Variants in TMEM184A observed in about 807,000 individuals in gnomAD.
TMEM184A encodes transmembrane protein 184A.
Under a neutral mutation model 39.5 loss-of-function variants are expected in TMEM184A, and 40 were observed. The observed-to-expected ratio is 1.01, with a 90% CI of 0.79 to 1.32. TMEM184A has a LOEUF of 1.32. Among genes scored for constraint, TMEM184A ranks in the 40% most tolerant of loss-of-function variants. The pLI is 0.00. For missense variants in TMEM184A, 603 were observed against 568.8 expected (o/e 1.06, Z -0.61); for synonymous variants, 280 against 252.3 (o/e 1.11, Z -1.04).
chr7:1,554,974 G>C (rs1779564847), intron 2 of TMEM184A, among the ~76,000 whole-genome samples: 1 of 152,182 alleles, frequency 6.6e-6, no homozygotes, highest in African/African-American at 2.4e-5. Context: ...CAGTCTTCTT[G>C]TCTGTGAAAT....
intron 3 of TMEM184A, 86 bp from the exon 4 acceptor site, chr7:1,550,481 G>C: frequency 8.8e-7 from 1 of 1,140,540 alleles, no homozygotes; most frequent in Non-Finnish European, 1.3e-6. Context: ...GCAGGAGGAG[G>C]CTCGGGAGGG....
rs370428145 is a variant in TMEM184A at position 1,546,499 on chromosome 7, G to C, written c.*453C>G. 3.2e-3 allele frequency: 498 copies of C among 157,976 alleles called. 3 individuals carry two copies. The highest frequency in any genetic ancestry group is 0.012 in the African/African-American group (483 of 41,796). The allele number at this position is 157,976 out of a possible 1,614,324, so 9.8% of individuals were successfully genotyped here. On this transcript the variant is annotated 3_prime_UTR_variant, in exon 9 of 9. Coordinates refer to ENST00000297477, the MANE Select transcript of TMEM184A (RefSeq NM_001097620.2). ...CCTGCGGCGCCCGGAGCTGCTGACT[G>C]TGTCAGAGCCCGGCTGCCCAGCGCC...
At position 1,545,787 on chromosome 7, in the gene TMEM184A, G is replaced by A. The variant is rs566969733; in HGVS notation, c.*1165C>T. ...TACTGTTCTTGCGGCCGCGATTTCCGAGGCCACTTGCACGCCTCCAGCTTC... is the reference window on the plus strand; with the variant it reads ...TACTGTTCTTGCGGCCGCGATTTCCAAGGCCACTTGCACGCCTCCAGCTTC... On this transcript the variant is annotated 3_prime_UTR_variant, in exon 9 of 9. Coordinates refer to ENST00000297477, the MANE Select transcript of TMEM184A (RefSeq NM_001097620.2). The A allele has an allele frequency of 1.3e-5, 2 of 152,594 alleles. No homozygotes were observed. Among genetic ancestry groups the A allele is most frequent in the South Asian group, 2.1e-4 (1 of 4,830 alleles). The allele number at this position is 152,594 out of a possible 1,614,324, so 9.5% of individuals were successfully genotyped here. A position where few individuals can be genotyped will look rare whatever the true frequency, so the allele number is the denominator to read the frequency against.
rs1784234141 is a variant in TMEM184A at position 1,542,949 on chromosome 7, CCCCGT to C, written c.*3998_*4002del. 1 of 152,716 alleles carries C rather than the reference CCCCGT, an allele frequency of 6.5e-6. No homozygotes were observed. Among genetic ancestry groups the C allele is most frequent in the African/African-American group, 2.4e-5 (1 of 41,466 alleles). 9.5% of individuals were successfully genotyped at this position (152,716 alleles called of 1,614,324 possible). On this transcript the variant is annotated 3_prime_UTR_variant, in exon 9 of 9. Transcript: ENST00000297477. ...CCCGTGTCTGGCCGCCGCCGCCCTG[CCCCGT>C]CCCTGCGGCCACCACCTAATTTATT...
intron 2 of TMEM184A, among the ~76,000 whole-genome samples, chr7:1,554,945 C>T (rs529040879): frequency 6.6e-6 from 1 of 152,300 alleles, no homozygotes; most frequent in East Asian, 1.9e-4. Context: ...TGGGAAAGAC[C>T]TCTGGTCTCT....
intron 6 of TMEM184A, chr7:1,549,061 G>A: frequency 2.0e-6 from 1 of 499,186 alleles, no homozygotes; most frequent in Non-Finnish European, 3.9e-6. Context: ...GGACACACAG[G>A]TGTCGTTCCC....
At chr7:1,547,509 C>T (rs1024515625) in intron 8 of TMEM184A, among the ~76,000 whole-genome samples, 7 of 152,148 alleles carry the variant, frequency 4.6e-5, no homozygotes, top group Non-Finnish European at 1.0e-4. Flanking sequence ...AGGCTGTCTC[C>T]GCCCTAATAG....
chr7:1,551,725 TC>T (rs1784608649), intron 2 of TMEM184A, among the ~76,000 whole-genome samples: 1 of 151,950 alleles, frequency 6.6e-6, no homozygotes, highest in Admixed American at 6.6e-5. Flanking sequence ...TCATTTGAGG[TC>T]AGGAGTTCAA....
rs1266325234 is a variant in TMEM184A at position 1,544,797 on chromosome 7, C to T, written c.*2155G>A. 1 of 152,282 alleles carries T rather than the reference C, an allele frequency of 6.6e-6. No individual in the cohort carries two copies. Among genetic ancestry groups the T allele is most frequent in the Non-Finnish European group, 1.5e-5 (1 of 68,068 alleles). The allele number at this position is 152,282 out of a possible 1,614,324, so 9.4% of individuals were successfully genotyped here. A position where few individuals can be genotyped will look rare whatever the true frequency, so the allele number is the denominator to read the frequency against. On this transcript the variant is annotated 3_prime_UTR_variant, in exon 9 of 9. Coordinates refer to ENST00000297477, the MANE Select transcript of TMEM184A (RefSeq NM_001097620.2). The stretch of plus-strand genomic sequence containing the variant: ...GTCCCTGCTCTGTGACCTCAGGCAA[C>T]TTGCTCCGTCTCTCTGGGCTCGGTC...
Position 1,546,988 on chromosome 7 carries a change from C to T in TMEM184A, c.1206G>A (p.Leu402=), listed in dbSNP as rs751267828. 2 of 1,593,796 alleles carry T rather than the reference C, an allele frequency of 1.3e-6. No homozygotes were observed. The highest frequency in any genetic ancestry group is 1.7e-6 in the Non-Finnish European group (2 of 1,175,990). Residue 402 remains leucine, a synonymous_variant, in exon 9 of 9, where the codon CTG becomes CTA. Coordinates refer to ENST00000297477, the MANE Select transcript of TMEM184A (RefSeq NM_001097620.2). ...CCGAGGGGATCAGCATCCGCTTCTCCAGGCTCCGGCTCTTCCTGCTCCCGC... is the reference window on the plus strand; with the variant it reads ...CCGAGGGGATCAGCATCCGCTTCTCTAGGCTCCGGCTCTTCCTGCTCCCGC... The part of the protein sequence containing the change: ...GSGGSRKSRS[L]EKRMLIPSED...
intron 2 of TMEM184A, among the ~76,000 whole-genome samples, chr7:1,554,636 C>T (rs542942972): frequency 1.3e-5 from 2 of 152,358 alleles, no homozygotes; most frequent in South Asian, 2.1e-4. Flanking sequence ...CCACTTCCTC[C>T]TTGCCCCTGC....
Position 1,554,485 on chromosome 7 carries a change from C to T in TMEM184A, c.219+781G>A, listed in dbSNP as rs1052294297. 4.6e-5 allele frequency among the ~76,000 whole-genome samples: 7 copies of T among 152,312 alleles called. No homozygotes were observed. In the South Asian group the frequency reaches 6.2e-4, roughly 14 times the overall value. On this transcript the variant is annotated intron_variant, in intron 2 of 8. Transcript: ENST00000297477. ...AGGGCTCTGGACAAATCCCTGCAGC[C>T]GTGTGGCCCTCGCGGGCCTACACAC...
intron 2 of TMEM184A, among the ~76,000 whole-genome samples, chr7:1,554,927 T>C (rs911566693): frequency 3.3e-5 from 5 of 152,152 alleles, no homozygotes; most frequent in African/African-American, 1.2e-4. Flanking sequence ...TTTCCAGCTA[T>C]GTGAGCCTGG....
chr7:1,543,442 C>A lies in TMEM184A; in HGVS notation c.*3510G>T, dbSNP rs1241533788. 2.0e-5 allele frequency: 3 copies of A among 152,338 alleles called. No homozygotes were observed. The highest frequency in any genetic ancestry group is 7.2e-5 in the African/African-American group (3 of 41,466). The allele number at this position is 152,338 out of a possible 1,614,324, so 9.4% of individuals were successfully genotyped here. A position where few individuals can be genotyped will look rare whatever the true frequency, so the allele number is the denominator to read the frequency against. On this transcript the variant is annotated 3_prime_UTR_variant, in exon 9 of 9. Coordinates refer to ENST00000297477, the MANE Select transcript of TMEM184A (RefSeq NM_001097620.2). ...AGAGGAGCCTGCAGGAAGCTGTGAG[C>A]AAGACAGGGTCTGTCTGGGAGCAGA...
rs1254536878 is a variant in TMEM184A at position 1,551,162 on chromosome 7, TTCGCGTGAGAGCCGGGCCCGCCCTGGGC to T, written c.220-208_220-181del. On this transcript the variant is annotated intron_variant, in intron 2 of 8. Coordinates refer to ENST00000297477, the MANE Select transcript of TMEM184A (RefSeq NM_001097620.2). ...GGAGGTGGGGGTGGGCGCAGGAGGG[TTCGCGTGAGAGCCGGGCCCGCCCTGGGC>T]GCAGGAGGGTTCGCGTGAGAGCCGG... Among the ~76,000 whole-genome samples, 42 of 44,212 alleles carry T rather than the reference TTCGCGTGAGAGCCGGGCCCGCCCTGGGC, an allele frequency of 9.5e-4. 1 individual carries two copies. Among genetic ancestry groups the T allele is most frequent in the Non-Finnish European group, 8.5e-4 (19 of 22,262 alleles). The allele number at this position is 44,212 out of a possible 152,430, so 29.0% of individuals were successfully genotyped here.
At position 1,555,614 on chromosome 7, in the gene TMEM184A, A is replaced by G. The variant is rs1583228043; in HGVS notation, c.1-130T>C. The G allele has an allele frequency of 1.7e-4, 122 of 720,052 alleles. 6 individuals carry two copies. In the South Asian group the frequency reaches 1.8e-3, roughly 11 times the overall value. The allele number at this position is 720,052 out of a possible 1,614,324, so 44.6% of individuals were successfully genotyped here. On this transcript the variant is annotated intron_variant, in intron 1 of 8. Coordinates refer to ENST00000297477, the MANE Select transcript of TMEM184A (RefSeq NM_001097620.2). The surrounding 1 kb of genome is among the most constrained non-coding windows in gnomAD (Gnocchi z 5.2). ...GAGGCTGAGCCACCCACCAGGCCGC[A>G]CCCCCCACACGGACACCAGCGCCAG...
chr7:1,547,788 A>T lies in TMEM184A; in HGVS notation c.966T>A (p.Tyr322Ter). ...CTGCGTACACCTGGCAGGGGAAGGC[A>T]TAACGCAGGGCCACGGAGGCGAACA... The part of the protein sequence containing the change: ...EMLFASVALR[Y>*]AFPCQVYAEK... Residue 322 changes from tyrosine (Y) to a stop codon, truncating the protein, a stop_gained, in exon 8 of 9, where the codon TAT (tyrosine) becomes TAA (stop). Coordinates refer to ENST00000297477, the MANE Select transcript of TMEM184A (RefSeq NM_001097620.2). LOFTEE classifies it low-confidence loss of function (END_TRUNC). 1.2e-6 allele frequency: 2 copies of T among 1,613,050 alleles called. No homozygotes were observed. The highest frequency in any genetic ancestry group is 1.7e-6 in the Non-Finnish European group (2 of 1,179,894).
At chr7:1,549,991 G>A (rs1784521900) in intron 5 of TMEM184A, 46 bp from the exon 6 acceptor site, 1 of 1,605,650 alleles carries the variant, frequency 6.2e-7, no homozygotes, top group Non-Finnish European at 8.5e-7. Flanking sequence ...GTCCCCCAGG[G>A]GCCCAGGAAT....
rs1562552402 is a variant in TMEM184A at position 1,545,401 on chromosome 7, C to G, written c.*1551G>C. On this transcript the variant is annotated 3_prime_UTR_variant, in exon 9 of 9. Transcript: ENST00000297477. ...CTAGCCCGGACTCCACTGGTCTGTG[C>G]CCGCCCTGCTGAGTCCCTCGGAGAC... 6.5e-6 allele frequency: 1 copy of G among 152,824 alleles called. No individual in the cohort carries two copies. The highest frequency in any genetic ancestry group is 2.4e-5 in the African/African-American group (1 of 41,458). 9.5% of individuals were successfully genotyped at this position (152,824 alleles called of 1,614,324 possible). A position where few individuals can be genotyped will look rare whatever the true frequency, so the allele number is the denominator to read the frequency against.
Sources: allele counts gnomAD v4.1 joint callset (sites outside exome capture counted in the v4.1 genomes callset), GRCh38; gene constraint gnomAD v4.1.1; non-coding constraint Gnocchi (gnomAD v3.1); transcripts MANE v1.5; gene names NCBI Gene and HGNC (gene_info 2026-07-23, HGNC 2026-07-21).